Variants in CHN2 observed in about 807,000 individuals in gnomAD.
CHN2 encodes the protein beta-chimaerin.
CHN2 carries 35 observed loss-of-function variants against 56.3 expected under a neutral mutation model. The ratio of observed to expected loss-of-function variants is 0.62; its 90% CI spans 0.47 to 0.82. CHN2 has a LOEUF of 0.82. CHN2 is among the 40% of genes least tolerant of loss of function. The pLI is 0.00. For synonymous variants in CHN2, 210 were observed against 212.8 expected (o/e 0.99, Z 0.12); for missense variants, 491 against 580.5 (o/e 0.85, Z 1.58).
chr7:29,411,748 G>A (rs1199426091), intron 6 of CHN2, among the ~76,000 whole-genome samples: 1 of 152,164 alleles, frequency 6.6e-6, no homozygotes, highest in Non-Finnish European at 1.5e-5. Context: ...GCCTGAGAAT[G>A]GAGCCTGGAG....
chr7:29,185,306 C>A (rs34337883), intron 2 of CHN2, among the ~76,000 whole-genome samples: 19,518 of 152,164 alleles, frequency 0.13, 1,529 homozygotes, highest in African/African-American at 0.21. Context: ...TGAGAAGTGT[C>A]TTTTAAAGAT....
intron 2 of CHN2, among the ~76,000 whole-genome samples, chr7:29,176,838 A>G (rs1213630132): frequency 6.6e-6 from 1 of 152,206 alleles, no homozygotes; most frequent in African/African-American, 2.4e-5. Flanking sequence ...AGGGAAAGCA[A>G]CCTCTTGCTC....
At chr7:29,434,174 A>C (rs533583542) in intron 6 of CHN2, among the ~76,000 whole-genome samples, 2 of 152,272 alleles carry the variant, frequency 1.3e-5, no homozygotes, top group East Asian at 3.9e-4. Context: ...TTTTGTAAGT[A>C]TCTGCATTCT....
At chr7:29,331,070 C>T (rs1039878790) in intron 1 of CHN2, among the ~76,000 whole-genome samples, 9 of 152,228 alleles carry the variant, frequency 5.9e-5, no homozygotes, top group African/African-American at 9.6e-5. Context: ...TTTTGGGCAA[C>T]GTATATGACT....
intron 1 of CHN2, among the ~76,000 whole-genome samples, chr7:29,354,307 T>C (rs1798119154): frequency 1.3e-5 from 2 of 152,214 alleles, no homozygotes; most frequent in East Asian, 1.9e-4. Flanking sequence ...GTTAAGTAAA[T>C]ACCATTTGAA....
chr7:29,236,601 C>T (rs1455570580), intron 1 of CHN2, among the ~76,000 whole-genome samples: 2 of 152,190 alleles, frequency 1.3e-5, no homozygotes, highest in Non-Finnish European at 2.9e-5. Context: ...AAGGACTGAA[C>T]GTGGGAGTGA....
chr7:29,192,920 T>G (rs996149275), upstream of CHN2: 1 of 152,206 alleles, frequency 6.6e-6, no homozygotes, highest in Non-Finnish European at 1.5e-5. Context: ...AAGTGCTGTT[T>G]TCTATCAGAA....
intron 6 of CHN2, among the ~76,000 whole-genome samples, chr7:29,404,322 GT>G (rs1159330361): frequency 1.3e-5 from 2 of 152,112 alleles, no homozygotes; most frequent in African/African-American, 2.4e-5. Flanking sequence ...TGACAACAGT[GT>G]TTTTGACAGC....
intron 1 of CHN2, among the ~76,000 whole-genome samples, chr7:29,315,426 A>G (rs1585038446): frequency 6.6e-6 from 1 of 152,232 alleles, no homozygotes; most frequent in African/African-American, 2.4e-5. Flanking sequence ...TCAGGGAGTA[A>G]TACATAGCTA....
chr7:29,458,392 C>T (rs1010980705), intron 6 of CHN2, among the ~76,000 whole-genome samples: 48 of 151,298 alleles, frequency 3.2e-4, no homozygotes, highest in African/African-American at 9.2e-4. Flanking sequence ...CACACACACA[C>T]ACACACACAC....
intron 1 of CHN2, among the ~76,000 whole-genome samples, chr7:29,288,706 AG>A (rs1193900689): frequency 6.6e-6 from 1 of 152,236 alleles, no homozygotes; most frequent in Non-Finnish European, 1.5e-5. Flanking sequence ...ATAGTAAACT[AG>A]AGACAATGGA....
intron 2 of CHN2, among the ~76,000 whole-genome samples, chr7:29,165,773 G>T (rs1359863668): frequency 6.6e-6 from 1 of 151,810 alleles, no homozygotes; most frequent in East Asian, 1.9e-4. Context: ...TTTGTCATAT[G>T]CTTTTCTGCA....
At chr7:29,339,287 T>G (rs1396557816) in intron 1 of CHN2, among the ~76,000 whole-genome samples, 2 of 152,122 alleles carry the variant, frequency 1.3e-5, no homozygotes, top group East Asian at 3.9e-4. Flanking sequence ...TAAAAGGATA[T>G]AAGTGAAAAC....
chr7:29,451,295 C>T (rs1343262354), intron 6 of CHN2, among the ~76,000 whole-genome samples: 1 of 152,106 alleles, frequency 6.6e-6, no homozygotes, highest in African/African-American at 2.4e-5. Context: ...TAAATGATAT[C>T]AAGGCAGGTA....
rs557562561 is a variant in CHN2, at chr7:29,405,527, C to G, written c.576+4699C>G. ...CCCCAGCTCTCCTCCCATTAACCAC[C>G]CCACCATCACCACGCCTTTCTCAAA... On this transcript the variant is annotated intron_variant, in intron 6 of 12. Transcript: ENST00000222792. Among the ~76,000 whole-genome samples the G allele has an allele frequency of 4.6e-5, 7 of 152,256 alleles. No homozygotes were observed. The South Asian group carries it at 8.3e-4, about 18-fold the overall frequency.
At chr7:29,470,908 A>G (rs1401851570) in intron 6 of CHN2, among the ~76,000 whole-genome samples, 1 of 152,244 alleles carries the variant, frequency 6.6e-6, no homozygotes, top group Non-Finnish European at 1.5e-5. Flanking sequence ...GAGTTGCGTC[A>G]TATATCAGCA....
At chr7:29,453,573 A>C (rs2128132383) in intron 6 of CHN2, among the ~76,000 whole-genome samples, 1 of 152,220 alleles carries the variant, frequency 6.6e-6, no homozygotes, top group Non-Finnish European at 1.5e-5. Flanking sequence ...TCAACCTGAT[A>C]ATTCAGGGTG....
At chr7:29,166,304 A>G (rs1313340041) in intron 2 of CHN2, among the ~76,000 whole-genome samples, 1 of 152,206 alleles carries the variant, frequency 6.6e-6, no homozygotes, top group African/African-American at 2.4e-5. Flanking sequence ...TGCTGGGATT[A>G]GAGGCATGAG....
chr7:29,433,910 G>C (rs575962093), intron 6 of CHN2, among the ~76,000 whole-genome samples: 1 of 151,972 alleles, frequency 6.6e-6, no homozygotes, highest in Non-Finnish European at 1.5e-5. Flanking sequence ...AGGGAAGAAA[G>C]GAAGGAGGGA....
Sources: allele counts gnomAD v4.1 joint callset (sites outside exome capture counted in the v4.1 genomes callset), GRCh38; gene constraint gnomAD v4.1.1; transcripts MANE v1.5; gene names NCBI Gene and HGNC (gene_info 2026-07-23, HGNC 2026-07-21).